ACADM: variants seen among roughly 807,000 people sequenced by gnomAD.
ACADM encodes medium-chain specific acyl-CoA dehydrogenase, mitochondrial.
Under a neutral mutation model 58.9 loss-of-function variants are expected in ACADM, and 49 were observed. The ratio of observed to expected loss-of-function variants is 0.83; its 90% CI spans 0.66 to 1.06. The LOEUF (loss-of-function observed/expected upper bound fraction) is 1.06, where lower values mean the gene tolerates loss of function less well. Among genes scored for constraint, ACADM ranks in the 50% least tolerant of loss-of-function variants. The pLI, the probability that ACADM is intolerant of heterozygous loss-of-function variation, is 0.00. For missense variants in ACADM, 496 were observed against 507.0 expected (o/e 0.98, Z 0.21); for synonymous variants, 160 against 157.7 (o/e 1.01, Z -0.11).
intron 1 of ACADM, among the ~76,000 whole-genome samples, chr1:75,726,699 T>G (rs978566116): frequency 3.9e-5 from 6 of 152,142 alleles, no homozygotes; most frequent in African/African-American, 1.2e-4. Context: ...AATCCTAGAC[T>G]TGACCTGGGA....
intron 11 of ACADM, 117 bp downstream of exon 11, chr1:75,761,487 A>G (rs1356663862): frequency 8.8e-7 from 1 of 1,136,548 alleles, no homozygotes; most frequent in Non-Finnish European, 1.3e-6. Context: ...TGACTGTCAT[A>G]TATGGCTGTG....
rs1483592091 is a variant in ACADM, at chr1:75,740,009, C to T, written c.498C>T (p.Gly166=). Residue 166 remains glycine (G), a synonymous_variant, in exon 7 of 12, where the codon GGC becomes GGT. Coordinates refer to ENST00000370841, the MANE Select transcript of ACADM (RefSeq NM_000016.6). ...ATTGTGTAACAGAACCTGGAGCAGGCTCTGATGTAGCTGGTATAAAGACCA... is the reference window on the plus strand; with the variant it reads ...ATTGTGTAACAGAACCTGGAGCAGGTTCTGATGTAGCTGGTATAAAGACCA... ...CAYCVTEPGA[G]SDVAGIKTKA... 1.2e-6 allele frequency: 2 copies of T among 1,611,768 alleles called. No individual in the cohort carries two copies. The highest frequency in any genetic ancestry group is 3.3e-5 in the Admixed American group (2 of 59,954).
rs1455739090 is a variant in ACADM at position 75,750,837 on chromosome 1, C to T, written c.945+291C>T. ...AATCTCGGTTCACCACAGTCTCCGC[C>T]TCCCGAGTTCGAGTAATTCTCCTGC... On this transcript the variant is annotated intron_variant, in intron 10 of 11. Coordinates refer to ENST00000370841, the MANE Select transcript of ACADM (RefSeq NM_000016.6). 23 of 428,248 alleles carry T rather than the reference C, an allele frequency of 5.4e-5. No individual in the cohort carries two copies. In the East Asian group the frequency reaches 1.1e-3, roughly 20 times the overall value. 26.5% of individuals were successfully genotyped at this position (428,248 alleles called of 1,614,324 possible). A position where few individuals can be genotyped will look rare whatever the true frequency, so the allele number is the denominator to read the frequency against.
At chr1:75,755,405 C>T (rs967861658) in intron 10 of ACADM, among the ~76,000 whole-genome samples, 3 of 152,146 alleles carry the variant, frequency 2.0e-5, no homozygotes, top group Admixed American at 6.5e-5. Flanking sequence ...CCCTCTGAGA[C>T]GAAGCTTCCA....
chr1:75,749,693 A>AATACTGTT, intron 9 of ACADM, 134 bp downstream of exon 9: 1 of 867,648 alleles, frequency 1.2e-6, no homozygotes, highest in East Asian at 2.8e-5. Context: ...ATATAGGAAA[A>AATACTGTT]ATACTGTTAC....
chr1:75,742,714 G>C (rs1269306795), intron 7 of ACADM, among the ~76,000 whole-genome samples: 3 of 152,268 alleles, frequency 2.0e-5, no homozygotes, highest in Non-Finnish European at 4.4e-5. Context: ...AGTCTTCTTG[G>C]TGTGAGCCTA....
intron 7 of ACADM, chr1:75,743,756 C>T: frequency 3.2e-6 from 5 of 1,553,580 alleles, no homozygotes; most frequent in Non-Finnish European, 4.4e-6. Context: ...TCAATATCTG[C>T]ATAATTCATA....
At position 75,733,222 on chromosome 1, in the gene ACADM, C is replaced by A; in HGVS notation, c.286+300C>A. On this transcript the variant is annotated intron_variant, in intron 4 of 11. Transcript: ENST00000370841. Reference sequence around the variant, plus strand: ...TCTTCTATATTACATTTTATTGAGTCTTTTTTGTGAACCATGATTCTTTTC... The same window carrying A: ...TCTTCTATATTACATTTTATTGAGTATTTTTTGTGAACCATGATTCTTTTC... 3 of 1,562,446 alleles carry A rather than the reference C, an allele frequency of 1.9e-6. No homozygotes were observed. The South Asian group carries it at 3.6e-5, about 19-fold the overall frequency.
chr1:75,738,178 T>G (rs1146577), intron 6 of ACADM, among the ~76,000 whole-genome samples: 140,700 of 151,894 alleles, frequency 0.93, 65,390 homozygotes, highest in African/African-American at 0.97. Flanking sequence ...GGCCTCCCAA[T>G]GTGCTGGAAT....
rs1252035356 is a variant in ACADM, at chr1:75,728,472, AT to A, written c.104del (p.Leu35Ter). 6.2e-7 allele frequency: 1 copy of A among 1,612,882 alleles called. No individual in the cohort carries two copies. Among genetic ancestry groups the A allele is most frequent in the Admixed American group, 1.7e-5 (1 of 59,986 alleles). The part of the protein sequence containing the change: ...TKANRQREPG[L>X]GFSFEFTEQQ... ...AAGCCAATCGACAACGTGAACCAGG[AT>A]TAGGATTTAGTTTTGGTATATGTTC... On this transcript the variant is annotated frameshift_variant, in exon 2 of 12. Coordinates refer to ENST00000370841, the MANE Select transcript of ACADM (RefSeq NM_000016.6). LOFTEE classifies it high-confidence loss of function.
Position 75,763,271 on chromosome 1 carries a change from T to C in ACADM, c.*508T>C, listed in dbSNP as rs1278201822. The C allele has an allele frequency of 1.3e-5, 2 of 152,382 alleles. No individual in the cohort carries two copies. Among genetic ancestry groups the C allele is most frequent in the East Asian group, 3.9e-4 (2 of 5,188 alleles). The allele number at this position is 152,382 out of a possible 1,614,324, so 9.4% of individuals were successfully genotyped here. The stretch of plus-strand genomic sequence containing the variant: ...CACAGAAACAGTCAAAATTTTGACA[T>C]TCATATTCTCCTATTTTACAGCTAC... On this transcript the variant is annotated 3_prime_UTR_variant, in exon 12 of 12. Coordinates refer to ENST00000370841, the MANE Select transcript of ACADM (RefSeq NM_000016.6).
chr1:75,733,955 T>C (rs1299130625), intron 5 of ACADM, among the ~76,000 whole-genome samples: 2 of 152,096 alleles, frequency 1.3e-5, no homozygotes, highest in Non-Finnish European at 2.9e-5. Flanking sequence ...AGGAGCAGGA[T>C]TGGGATGGTT....
At chr1:75,745,116 TTAATC>T (rs1469905363) in intron 7 of ACADM, among the ~76,000 whole-genome samples, 1 of 152,118 alleles carries the variant, frequency 6.6e-6, no homozygotes, top group African/African-American at 2.4e-5. Context: ...ATTATAAAGT[TTAATC>T]TATAAAGTGG....
chr1:75,745,788 G>A lies in ACADM; in HGVS notation c.600-18G>A, dbSNP rs370523609. 362 of 1,544,834 alleles carry A rather than the reference G, an allele frequency of 2.3e-4. 2 individuals are homozygous for A. Among genetic ancestry groups the A allele is most frequent in the Middle Eastern group, 2.2e-3 (13 of 5,936 alleles). Reference sequence around the variant, plus strand: ...TTTGCCGATATTATCACCATTATCCGGTATGTGTATCTCTTAGGTATTTTT... The same window carrying A: ...TTTGCCGATATTATCACCATTATCCAGTATGTGTATCTCTTAGGTATTTTT... On this transcript the variant is annotated intron_variant, in intron 7 of 11. Coordinates refer to ENST00000370841, the MANE Select transcript of ACADM (RefSeq NM_000016.6).
intron 7 of ACADM, among the ~76,000 whole-genome samples, chr1:75,743,123 T>G (rs1232850042): frequency 6.6e-6 from 1 of 152,160 alleles, no homozygotes; most frequent in Non-Finnish European, 1.5e-5. Flanking sequence ...AAATCATCTT[T>G]GCAGAGAGCT....
intron 5 of ACADM, among the ~76,000 whole-genome samples, chr1:75,734,410 C>T (rs1647205078): frequency 6.6e-6 from 1 of 151,026 alleles, no homozygotes; most frequent in African/African-American, 2.4e-5. Flanking sequence ...CTCTTGACCT[C>T]GTAATCCGCC....
chr1:75,745,873 A>G lies in ACADM; in HGVS notation c.667A>G (p.Ile223Val), dbSNP rs747783631. ...APANKAFTGFIVEADTPGIQI... is the reference protein window; with the variant it reads ...APANKAFTGFVVEADTPGIQI... ...TGCTAATAAAGCCTTTACTGGATTC[A>G]TTGTGGAAGCAGATACCCCAGGAAT... The change falls in exon 8 of 12, where the codon ATT becomes GTT. Residue 223 changes from isoleucine (I) to valine (V), a missense_variant. By Grantham distance (29) the Ile-to-Val change is conservative (BLOSUM62 3). Coordinates refer to ENST00000370841, the MANE Select transcript of ACADM (RefSeq NM_000016.6). The G allele has an allele frequency of 3.1e-6, 5 of 1,613,814 alleles. No individual in the cohort carries two copies. Among genetic ancestry groups the G allele is most frequent in the Non-Finnish European group, 4.2e-6 (5 of 1,179,908 alleles).
rs1647865251 is a variant in ACADM at position 75,745,820 on chromosome 1, C to T, written c.614C>T (p.Ala205Val). 6.2e-7 allele frequency: 1 copy of T among 1,613,392 alleles called. No homozygotes were observed. Among genetic ancestry groups the T allele is most frequent in the Non-Finnish European group, 8.5e-7 (1 of 1,179,458 alleles). Residue 205 changes from alanine to valine, a missense_variant, in exon 8 of 12, where the codon GCA (alanine) becomes GTA (valine). By Grantham distance (64) the Ala-to-Val change is moderately conservative (BLOSUM62 0). Transcript: ENST00000370841. ...GTATCTCTTAGGTATTTTTTATTGG[C>T]ACGTTCTGATCCAGATCCTAAAGCT... ...GGKANWYFLL[A>V]RSDPDPKAPA...
At chr1:75,748,988 T>C (rs1648049748) in intron 8 of ACADM, among the ~76,000 whole-genome samples, 1 of 152,250 alleles carries the variant, frequency 6.6e-6, no homozygotes, top group African/African-American at 2.4e-5. Flanking sequence ...TTGTGTTTAC[T>C]AAATGTTTTT....
Sources: gnomAD v4.1 joint callset for allele counts (sites outside exome capture counted in the v4.1 genomes callset) on GRCh38, gnomAD v4.1.1 for gene constraint, MANE v1.5 for transcripts, NCBI Gene and HGNC (gene_info 2026-07-23, HGNC 2026-07-21) for gene names.